KIAA1217: variants seen among roughly 807,000 people sequenced by gnomAD.
KIAA1217 encodes sickle tail protein homolog.
A neutral mutation model predicts 163.9 loss-of-function variants in KIAA1217; 88 were observed. The ratio of observed to expected loss-of-function variants is 0.54; its 90% confidence interval spans 0.45 to 0.64. KIAA1217 has a LOEUF of 0.64. Ranked by LOEUF, KIAA1217 falls within the 30% of genes least tolerant of loss-of-function variation. KIAA1217 has a pLI of 0.00. For missense variants in KIAA1217, 2,372 were observed against 2,475.0 expected (o/e 0.96, Z 0.88); for synonymous variants, 903 against 923.1 (o/e 0.98, Z 0.39).
intron 1 of KIAA1217, among the ~76,000 whole-genome samples, chr10:23,953,252 G>C (rs143270065): frequency 1.3e-5 from 2 of 152,144 alleles, no homozygotes; most frequent in South Asian, 4.1e-4. Context: ...AAAATTAACC[G>C]TGAAATATCA....
chr10:24,150,871 G>T (rs1006259438), intron 2 of KIAA1217, among the ~76,000 whole-genome samples: 7 of 152,134 alleles, frequency 4.6e-5, no homozygotes, highest in African/African-American at 1.7e-4. Context: ...ACTGAAGAGG[G>T]TTAGTTATCT....
chr10:24,120,147 G>A (rs189544400), intron 2 of KIAA1217, among the ~76,000 whole-genome samples: 101 of 152,236 alleles, frequency 6.6e-4, no homozygotes, highest in African/African-American at 2.3e-3. Flanking sequence ...TATCTGCCAG[G>A]CCATCTGTTA....
At position 23,815,454 on chromosome 10, in the gene KIAA1217, C is replaced by T. The variant is rs190470168; in HGVS notation, c.-321+120220C>T. 2.4e-4 allele frequency among the ~76,000 whole-genome samples: 37 copies of T among 152,206 alleles called. No individual in the cohort carries two copies. In the East Asian group the frequency reaches 7.0e-3, roughly 29 times the overall value. Reference sequence around the variant, plus strand: ...AGTCAGGAGATCCAGACCATCCTGGCTAACACGGTGAAACCCCGTCTCTAC... The same window carrying T: ...AGTCAGGAGATCCAGACCATCCTGGTTAACACGGTGAAACCCCGTCTCTAC... On this transcript the variant is annotated intron_variant, in intron 1 of 18. Transcript: ENST00000376462.
At chr10:24,090,652 A>T (rs1003184254) in intron 2 of KIAA1217, among the ~76,000 whole-genome samples, 1 of 151,626 alleles carries the variant, frequency 6.6e-6, no homozygotes, top group Non-Finnish European at 1.5e-5. Context: ...TCCACAGTGG[A>T]TCCCCATTCC....
At chr10:23,971,943 T>C (rs530561322) in intron 1 of KIAA1217, among the ~76,000 whole-genome samples, 1 of 152,374 alleles carries the variant, frequency 6.6e-6, no homozygotes, top group African/African-American at 2.4e-5. Flanking sequence ...TCCAGGTCTT[T>C]AATCAGAAAA....
At chr10:24,169,891 A>T (rs866392053) in intron 2 of KIAA1217, among the ~76,000 whole-genome samples, 59 of 152,216 alleles carry the variant, frequency 3.9e-4, no homozygotes, top group African/African-American at 1.4e-3. Flanking sequence ...AAAGAAAATT[A>T]AAAAAACGAA....
intron 6 of KIAA1217, among the ~76,000 whole-genome samples, chr10:24,487,645 T>A (rs1003725711): frequency 2.2e-4 from 1 of 4,452 alleles, no homozygotes. Flanking sequence ...CATTTTTGCC[T>A]GTTTTTTTTA....
At chr10:24,101,464 G>A (rs1011996575) in intron 2 of KIAA1217, among the ~76,000 whole-genome samples, 4 of 151,992 alleles carry the variant, frequency 2.6e-5, no homozygotes, top group Admixed American at 6.6e-5. Flanking sequence ...TTCCTGTGAG[G>A]GTATGACAGC....
intron 1 of KIAA1217, among the ~76,000 whole-genome samples, chr10:23,843,814 C>G (rs1838899445): frequency 6.6e-6 from 1 of 152,108 alleles, no homozygotes; most frequent in South Asian, 2.1e-4. Context: ...GAAAATTCAA[C>G]CGATCTCTTC....
intron 5 of KIAA1217, among the ~76,000 whole-genome samples, chr10:24,446,693 G>A (rs1161931704): frequency 4.6e-5 from 7 of 152,262 alleles, no homozygotes; most frequent in Non-Finnish European, 8.8e-5. Flanking sequence ...CATTCCTGAC[G>A]TGCTTACTCT....
At chr10:24,092,692 G>GAA (rs141175604) in intron 2 of KIAA1217, among the ~76,000 whole-genome samples, 2 of 148,664 alleles carry the variant, frequency 1.3e-5, no homozygotes, top group South Asian at 2.1e-4. Context: ...ATAACGTTAT[G>GAA]AAAAAAAAAC....
chr10:24,430,580 G>A lies in KIAA1217; in HGVS notation c.554-2415G>A, dbSNP rs535483034. 4.6e-5 allele frequency among the ~76,000 whole-genome samples: 7 copies of A among 152,014 alleles called. No individual in the cohort carries two copies. The East Asian group carries it at 1.4e-3, about 29-fold the overall frequency. The stretch of plus-strand genomic sequence containing the variant: ...TAATTATACAACGCACCATAATGTA[G>A]AATCAGTGGAAGCCCTGAGCTTGTT... On this transcript the variant is annotated intron_variant, in intron 3 of 20. Coordinates refer to ENST00000376454, the MANE Select transcript of KIAA1217 (RefSeq NM_019590.5).
chr10:23,881,981 T>C (rs1273967260), intron 1 of KIAA1217, among the ~76,000 whole-genome samples: 2 of 151,982 alleles, frequency 1.3e-5, no homozygotes, highest in East Asian at 3.9e-4. Flanking sequence ...CTTGTGCTGC[T>C]TATCTCTTTC....
intron 2 of KIAA1217, among the ~76,000 whole-genome samples, chr10:24,357,420 G>A (rs1044069914): frequency 1.3e-5 from 2 of 151,988 alleles, no homozygotes; most frequent in Non-Finnish European, 2.9e-5. Context: ...ACCTTTGGCC[G>A]GGCCCAAGCT....
At chr10:23,980,838 A>T (rs1845734435) in intron 1 of KIAA1217, among the ~76,000 whole-genome samples, 1 of 151,968 alleles carries the variant, frequency 6.6e-6, no homozygotes, top group South Asian at 2.1e-4. Flanking sequence ...ATCTGTTAAA[A>T]CTTCTCATCT....
intron 1 of KIAA1217, among the ~76,000 whole-genome samples, chr10:23,977,023 T>C (rs1845570978): frequency 6.6e-6 from 1 of 152,224 alleles, no homozygotes; most frequent in Non-Finnish European, 1.5e-5. Flanking sequence ...TTATGACTTT[T>C]AGTCTGTGAG....
chr10:23,962,064 G>A (rs537044776), intron 1 of KIAA1217, among the ~76,000 whole-genome samples: 1 of 152,192 alleles, frequency 6.6e-6, no homozygotes, highest in African/African-American at 2.4e-5. Flanking sequence ...GGCTTTAAAC[G>A]TAAGAATGTT....
chr10:24,511,698 G>A (rs1166803290), intron 9 of KIAA1217, among the ~76,000 whole-genome samples: 1 of 152,160 alleles, frequency 6.6e-6, no homozygotes, highest in Non-Finnish European at 1.5e-5. Flanking sequence ...AATAGTGACT[G>A]ACTGGCTTTT....
chr10:24,481,617 A>G (rs2064712130), intron 6 of KIAA1217: 1 of 152,208 alleles, frequency 6.6e-6, no homozygotes, highest in Non-Finnish European at 1.5e-5. Flanking sequence ...AGAGGCTTCC[A>G]TGGGCCAGCT....
Sources: allele counts gnomAD v4.1 joint callset (sites outside exome capture counted in the v4.1 genomes callset), GRCh38; gene constraint gnomAD v4.1.1; transcripts MANE v1.5; gene names NCBI Gene and HGNC (gene_info 2026-07-23, HGNC 2026-07-21).